Variants in TRAPPC2L observed in about 807,000 individuals in gnomAD.
TRAPPC2L encodes trafficking protein particle complex subunit 2L.
TRAPPC2L carries 17 observed loss-of-function variants against 13.2 expected under a neutral mutation model. The observed-to-expected ratio is 1.29, with a 90% confidence interval of 0.88 to 1.93. The LOEUF (loss-of-function observed/expected upper bound fraction) is 1.93, where lower values mean the gene tolerates loss of function less well. Ranked by LOEUF, TRAPPC2L falls within the 30% of genes most tolerant of loss-of-function variation. The probability of loss-of-function intolerance (pLI) is 0.00; values close to 1 mark genes in which losing one functional copy is unlikely to be tolerated. For synonymous variants in TRAPPC2L, 150 were observed against 98.1 expected (o/e 1.53, Z -3.12); for missense variants, 359 against 252.1 (o/e 1.42, Z -2.87).
exon 4 of TRAPPC2L, chr16:88,861,040 C>T (rs1201099505): frequency 1.4e-6 from 2 of 1,394,252 alleles, no homozygotes; most frequent in Non-Finnish European, 2.0e-6. Context: ...TTGCCTCTTC[C>T]TGAATGGGAC....
intron 2 of TRAPPC2L, 181 bp downstream of exon 2, chr16:88,858,972 T>A: frequency 1.5e-6 from 1 of 650,076 alleles, no homozygotes; most frequent in Non-Finnish European, 2.6e-6. Flanking sequence ...GAAGAGCCAT[T>A]TGGGAAAAGC....
chr16:88,862,172 C>G (rs1319042151), exon 4 of TRAPPC2L: 2 of 154,944 alleles, frequency 1.3e-5, no homozygotes, highest in Admixed American at 6.5e-5. Flanking sequence ...AAATCTTTGC[C>G]TTTTAGTGGG....
At chr16:88,859,915 C>T (rs775227877) in exon 4 of TRAPPC2L, 17 of 1,582,864 alleles carry the variant, frequency 1.1e-5, no homozygotes, top group Non-Finnish European at 1.5e-5. Flanking sequence ...CTACACAACT[C>T]CTACACAGAC....
At chr16:88,857,442 A>G in intron 1 of TRAPPC2L, 2 of 455,352 alleles carry the variant, frequency 4.4e-6, no homozygotes, top group Middle Eastern at 4.1e-4. Flanking sequence ...AGGACCCACC[A>G]GAAACCTAGG....
At chr16:88,861,737 AC>A in exon 4 of TRAPPC2L, 5 of 455,734 alleles carry the variant, frequency 1.1e-5, no homozygotes, top group Admixed American at 2.4e-5. Flanking sequence ...CGCTGAGGGG[AC>A]CCCCCCGGAG....
chr16:88,859,617 C>T (rs767451812), intron 2 of TRAPPC2L, 46 bp from the exon 3 acceptor site: 2 of 1,572,570 alleles, frequency 1.3e-6, no homozygotes, highest in Non-Finnish European at 1.8e-6. Flanking sequence ...GGGCCCTCCA[C>T]CGGCAGTCCC....
At chr16:88,857,265 A>G (rs1286233962) in intron 1 of TRAPPC2L, 82 bp downstream of exon 1, 12 of 1,308,068 alleles carry the variant, frequency 9.2e-6, no homozygotes, top group Non-Finnish European at 1.1e-5. Context: ...CTGGGCTTAG[A>G]AGGCACCTTA....
chr16:88,859,565 G>T, intron 2 of TRAPPC2L, 98 bp from the exon 3 acceptor site: 1 of 1,145,224 alleles, frequency 8.7e-7, no homozygotes, highest in South Asian at 1.2e-5. Flanking sequence ...CATTTCCTGT[G>T]ATTCAAGGTT....
exon 4 of TRAPPC2L, chr16:88,861,834 G>C (rs955968499): frequency 4.5e-5 from 16 of 356,658 alleles, no homozygotes; most frequent in Middle Eastern, 9.8e-4. Flanking sequence ...AGGCTGTAAG[G>C]GGGGGTCAGC....
upstream of TRAPPC2L, chr16:88,856,857 C>G (rs779939240): frequency 2.0e-6 from 3 of 1,510,860 alleles, no homozygotes; most frequent in Admixed American, 4.1e-5. Flanking sequence ...ACCACCTCGT[C>G]GCCGCGACAA....
chr16:88,860,098 C>T lies in TRAPPC2L; in HGVS notation c.500C>T (p.Pro167Leu), dbSNP rs1333974367. The T allele has an allele frequency of 5.6e-6, 5 of 896,834 alleles. No homozygotes were observed. The African/African-American group carries it at 6.0e-5, about 11-fold the overall frequency. 55.6% of individuals were successfully genotyped at this position (896,834 alleles called of 1,614,324 possible). The stretch of plus-strand genomic sequence containing the variant: ...ATCTTTTTAAGCTATGAGCACCATC[C>T]CCCTAGGGCAGAGGTTTTAAAGCCA... Residue 167 changes from proline to leucine, a missense_variant, in exon 4 of 4, where the codon CCC becomes CTC. Physicochemically the swap from Pro to Leu is moderately conservative, Grantham distance 98 (BLOSUM62 -3). Transcript: ENST00000565504.
exon 4 of TRAPPC2L, chr16:88,861,644 G>A (rs368238349): frequency 3.6e-5 from 18 of 499,166 alleles, no homozygotes; most frequent in Non-Finnish European, 3.3e-5. Flanking sequence ...TGACGTGGCT[G>A]ACTACCACCC....
chr16:88,860,808 G>A, exon 4 of TRAPPC2L: 1 of 1,266,556 alleles, frequency 7.9e-7, no homozygotes, highest in Non-Finnish European at 1.1e-6. Context: ...GGACCCTGGA[G>A]AAGGTCCCGA....
intron 1 of TRAPPC2L, among the ~76,000 whole-genome samples, chr16:88,858,061 G>C (rs537429277): frequency 6.6e-6 from 1 of 152,356 alleles, no homozygotes; most frequent in East Asian, 1.9e-4. Context: ...CTTGTTCACT[G>C]TATTTGTGCA....
At chr16:88,859,779 C>T (rs755213857) in intron 3 of TRAPPC2L, 29 bp downstream of exon 3, 17 of 1,596,736 alleles carry the variant, frequency 1.1e-5, no homozygotes, top group African/African-American at 2.7e-5. Context: ...GGGCCACGCC[C>T]GAGTGGGTGT....
exon 4 of TRAPPC2L, chr16:88,860,316 G>A (rs1567557958): frequency 4.3e-6 from 3 of 693,224 alleles, no homozygotes; most frequent in Non-Finnish European, 5.3e-6. Flanking sequence ...TCCTTTTGTA[G>A]CTACCTGATC....
At chr16:88,861,282 C>A in exon 4 of TRAPPC2L, 1 of 411,072 alleles carries the variant, frequency 2.4e-6, no homozygotes, top group Non-Finnish European at 4.6e-6. Flanking sequence ...GTTCCTGAGC[C>A]TGCAGGACCT....
chr16:88,860,521 G>A, exon 4 of TRAPPC2L: 1 of 597,564 alleles, frequency 1.7e-6, no homozygotes, highest in East Asian at 2.8e-5. Flanking sequence ...GGACGCTGCA[G>A]TGATCCAAGG....
At chr16:88,856,750 G>A, upstream of TRAPPC2L, 2 of 1,084,620 alleles carry the variant, frequency 1.8e-6, no homozygotes, top group Admixed American at 2.3e-5. Context: ...CCCACCGCCC[G>A]CACTCACGTC....
Sources: gnomAD v4.1 joint callset for allele counts (sites outside exome capture counted in the v4.1 genomes callset) on GRCh38, gnomAD v4.1.1 for gene constraint, MANE v1.5 for transcripts, NCBI Gene and HGNC (gene_info 2026-07-23, HGNC 2026-07-21) for gene names.